CALN1: variants seen among roughly 807,000 people sequenced by gnomAD.
CALN1 encodes calneuron 1, also known as calcium-binding protein 8.
CALN1 carries 17 observed loss-of-function variants against 30.6 expected under a neutral mutation model. The ratio of observed to expected loss-of-function variants is 0.56; its 90% CI spans 0.38 to 0.83. The LOEUF is 0.83. Among genes scored for constraint, CALN1 ranks in the 40% least tolerant of loss-of-function variants. The pLI, the probability that CALN1 is intolerant of heterozygous loss-of-function variation, is 0.00. For missense variants in CALN1, 291 were observed against 354.9 expected, an observed-to-expected ratio of 0.82 and a Z score of 1.45; for synonymous variants, 156 against 131.4, an observed-to-expected ratio of 1.19 and a Z score of -1.28.
chr7:72,049,497 T>C (rs182354460), intron 4 of CALN1, among the ~76,000 whole-genome samples: 2 of 152,302 alleles, frequency 1.3e-5, no homozygotes, highest in Admixed American at 1.3e-4. Context: ...TTACTTATGA[T>C]AGCAATAAGG....
chr7:72,017,503 C>T (rs1334895141), intron 5 of CALN1, among the ~76,000 whole-genome samples: 1 of 152,144 alleles, frequency 6.6e-6, no homozygotes, highest in East Asian at 1.9e-4. Context: ...GCACATTGCA[C>T]ACAGCTGTGG....
chr7:72,180,435 T>C (rs1239270571), intron 3 of CALN1, among the ~76,000 whole-genome samples: 1 of 152,004 alleles, frequency 6.6e-6, no homozygotes, highest in African/African-American at 2.4e-5. Flanking sequence ...GCAAACACCG[T>C]ATTTCATTCT....
At chr7:71,808,530 C>A (rs1787753603) in intron 6 of CALN1, among the ~76,000 whole-genome samples, 1 of 151,912 alleles carries the variant, frequency 6.6e-6, no homozygotes, top group Admixed American at 6.6e-5. Flanking sequence ...TTAAAGCAAA[C>A]CCAGCAAGGC....
intron 6 of CALN1, among the ~76,000 whole-genome samples, chr7:71,805,397 C>T (rs2116121082): frequency 6.6e-6 from 1 of 152,182 alleles, no homozygotes; most frequent in East Asian, 1.9e-4. Flanking sequence ...TCTCATTGGT[C>T]ATGTGGGGTT....
intron 5 of CALN1, among the ~76,000 whole-genome samples, chr7:72,007,417 G>GGCA (rs1336626150): frequency 3.9e-5 from 6 of 152,032 alleles, no homozygotes; most frequent in African/African-American, 1.4e-4. Flanking sequence ...TATGGTGGCG[G>GGCA]GCACCTGTAG....
At position 72,317,084 on chromosome 7, in the gene CALN1, G is replaced by GAGAGAGAAAGAA. The variant is rs1554367050; in HGVS notation, c.120-38275_120-38274insTTCTTTCTCTCT. 3.5e-3 allele frequency among the ~76,000 whole-genome samples: 388 copies of GAGAGAGAAAGAA among 109,810 alleles called. 4 individuals carry two copies. Among genetic ancestry groups the GAGAGAGAAAGAA allele is most frequent in the African/African-American group, 0.012 (363 of 30,506 alleles). The allele number at this position is 109,810 out of a possible 152,430, so 72.0% of individuals were successfully genotyped here. A position where few individuals can be genotyped will look rare whatever the true frequency, so the allele number is the denominator to read the frequency against. ...AGAGAGAAAGAGAGACACAGAAAGA[G>GAGAGAGAAAGAA]AGAGAGAGAGGGAGGGAGGAAGGGA... On this transcript the variant is annotated intron_variant, in intron 2 of 6. Coordinates refer to ENST00000395275, the MANE Select transcript of CALN1 (RefSeq NM_031468.4).
intron 1 of CALN1, among the ~76,000 whole-genome samples, chr7:72,445,798 A>C (rs1302699054): frequency 1.3e-5 from 2 of 152,152 alleles, no homozygotes; most frequent in African/African-American, 4.8e-5. Context: ...GGGGGATTGC[A>C]AAGGGATTTA....
chr7:72,157,100 A>G (rs1467592418), intron 3 of CALN1, among the ~76,000 whole-genome samples: 1 of 152,216 alleles, frequency 6.6e-6, no homozygotes, highest in Non-Finnish European at 1.5e-5. Flanking sequence ...TGTACAAACC[A>G]ATCGGTTGAG....
intron 4 of CALN1, among the ~76,000 whole-genome samples, chr7:72,083,186 CAG>C (rs150143452): frequency 0.029 from 4,456 of 151,866 alleles, 211 homozygotes; most frequent in African/African-American, 0.1. Context: ...GAGAAACAGA[CAG>C]AGACTCTGTC....
rs1039681741 is a variant in CALN1 at position 72,067,731 on chromosome 7, G to A, written c.388+38420C>T. The stretch of plus-strand genomic sequence containing the variant: ...CCAGTGAGCTGACTGCTGATCCACC[G>A]AATGGCATGCCTCTCTCATGTACCT... On this transcript the variant is annotated intron_variant, in intron 4 of 6. Transcript: ENST00000395275. Among the ~76,000 whole-genome samples, 9 of 152,158 alleles carry A rather than the reference G, an allele frequency of 5.9e-5. No individual in the cohort carries two copies. The South Asian group carries it at 6.2e-4, about 11-fold the overall frequency.
the CALN1 span, among the ~76,000 whole-genome samples, chr7:72,470,109 G>A: frequency 6.6e-6 from 1 of 152,164 alleles, no homozygotes; most frequent in East Asian, 1.9e-4. Flanking sequence ...CACCAGCCGT[G>A]TACAATGCTC....
chr7:71,900,143 A>ATT (rs1793769558), intron 5 of CALN1, among the ~76,000 whole-genome samples: 1 of 152,220 alleles, frequency 6.6e-6, no homozygotes, highest in Non-Finnish European at 1.5e-5. Context: ...TGACAGACAA[A>ATT]TTTTTAACAT....
At chr7:71,899,169 G>A (rs1793712344) in intron 5 of CALN1, among the ~76,000 whole-genome samples, 1 of 143,840 alleles carries the variant, frequency 7.0e-6, no homozygotes, top group Non-Finnish European at 1.5e-5. Flanking sequence ...TTTTGAGACG[G>A]AGTTTCACTC....
intron 3 of CALN1, among the ~76,000 whole-genome samples, chr7:72,266,439 T>A (rs1796601721): frequency 6.6e-6 from 1 of 152,226 alleles, no homozygotes; most frequent in South Asian, 2.1e-4. Flanking sequence ...ATCACTGGAA[T>A]CAGGTAACTG....
chr7:72,046,243 T>C (rs1802463937), intron 4 of CALN1, among the ~76,000 whole-genome samples: 1 of 151,938 alleles, frequency 6.6e-6, no homozygotes, highest in Non-Finnish European at 1.5e-5. Flanking sequence ...CCAGTTTCCT[T>C]CTTTTTTTGG....
chr7:72,444,221 A>G lies in CALN1; in HGVS notation c.-226+2821T>C, dbSNP rs1242022935. ...TCTTCTTCAAAGCATGAAAAAGAGG[A>G]AGTAGCACATGAAGAGGGAAGGCTG... On this transcript the variant is annotated intron_variant, in intron 1 of 6. Coordinates refer to the CALN1 transcript ENST00000395276. Among the ~76,000 whole-genome samples, 4 of 151,908 alleles carry G rather than the reference A, an allele frequency of 2.6e-5. No homozygotes were observed. In the East Asian group the frequency reaches 7.9e-4, roughly 30 times the overall value.
chr7:72,302,830 G>A (rs550610279), intron 2 of CALN1, among the ~76,000 whole-genome samples: 22 of 141,888 alleles, frequency 1.6e-4, no homozygotes, highest in South Asian at 2.5e-4. Flanking sequence ...AGGAGGCGGC[G>A]GATGTTGCAG....
intron 4 of CALN1, among the ~76,000 whole-genome samples, chr7:72,025,600 A>G (rs990059414): frequency 1.3e-5 from 2 of 152,160 alleles, no homozygotes; most frequent in East Asian, 3.9e-4. Context: ...AACAGACAAG[A>G]GCGAACCTTC....
At chr7:72,351,028 C>G (rs1052380371) in intron 2 of CALN1, among the ~76,000 whole-genome samples, 5 of 152,072 alleles carry the variant, frequency 3.3e-5, no homozygotes, top group African/African-American at 7.2e-5. Flanking sequence ...ATAAACCCAG[C>G]TACTCGGGAG....
Sources: gnomAD v4.1 joint callset for allele counts (sites outside exome capture counted in the v4.1 genomes callset) on GRCh38, gnomAD v4.1.1 for gene constraint, MANE v1.5 for transcripts, NCBI Gene and HGNC (gene_info 2026-07-23, HGNC 2026-07-21) for gene names.